The following TRAPPC11 variants were observed in gnomAD, a reference collection of about 807,000 sequenced individuals.
The protein encoded by TRAPPC11 is foie gras homolog.
In TRAPPC11, 104 loss-of-function variants were observed where a neutral mutation model predicts 151.2. The observed-to-expected ratio is 0.69, with a 90% CI of 0.59 to 0.81. The LOEUF is 0.81. Among genes scored for constraint, TRAPPC11 ranks in the 30% least tolerant of loss-of-function variants. The pLI is 0.00. For synonymous variants in TRAPPC11, 456 were observed against 472.3 expected, an observed-to-expected ratio of 0.97 and a Z score of 0.45; for missense variants, 1,230 against 1,349.6, an observed-to-expected ratio of 0.91 and a Z score of 1.39.
intron 29 of TRAPPC11, among the ~76,000 whole-genome samples, chr4:183,708,965 T>C (rs995942015): frequency 4.6e-5 from 7 of 151,622 alleles, no homozygotes; most frequent in African/African-American, 1.7e-4. Flanking sequence ...AAAATGATCA[T>C]CTCTCAGAAA....
rs67991252 is a variant in TRAPPC11, at chr4:183,694,279, A to C, written c.2508+241A>C. ...GAATTAGTGGGCTAATAAAATACCCATTGTTTGTAACTTAGTGCAGTTAAC... is the reference window on the plus strand; with the variant it reads ...GAATTAGTGGGCTAATAAAATACCCCTTGTTTGTAACTTAGTGCAGTTAAC... On this transcript the variant is annotated intron_variant, in intron 22 of 29. Transcript: ENST00000334690. Among the ~76,000 whole-genome samples, 12,802 of 152,288 alleles carry C rather than the reference A, an allele frequency of 0.084. 582 individuals are homozygous for C. The highest frequency in any genetic ancestry group is 0.1 in the Admixed American group (1,560 of 15,298).
At chr4:183,701,491 G>C in intron 25 of TRAPPC11, 2 of 493,036 alleles carry the variant, frequency 4.1e-6, no homozygotes, top group Non-Finnish European at 7.2e-6. Flanking sequence ...GGATTTTACT[G>C]TGATGGAATA....
chr4:183,701,835 T>C (rs1309690203), intron 26 of TRAPPC11, 27 bp downstream of exon 26: 7 of 1,351,360 alleles, frequency 5.2e-6, no homozygotes, highest in Non-Finnish European at 5.3e-6. Context: ...TCCTGTCTTT[T>C]CTTCAATGTC....
intron 18 of TRAPPC11, among the ~76,000 whole-genome samples, chr4:183,690,661 A>G (rs1219856398): frequency 6.6e-6 from 1 of 152,184 alleles, no homozygotes; most frequent in East Asian, 1.9e-4. Flanking sequence ...AGAAATGAAG[A>G]CCTGAAAGAA....
intron 23 of TRAPPC11, among the ~76,000 whole-genome samples, chr4:183,696,186 G>A (rs905003256): frequency 2.6e-5 from 4 of 152,146 alleles, no homozygotes; most frequent in African/African-American, 4.8e-5. Flanking sequence ...AAGCATTTCA[G>A]ATAACCTGTA....
intron 7 of TRAPPC11, 47 bp from the exon 8 acceptor site, chr4:183,677,411 A>G (rs981257539): frequency 9.2e-7 from 1 of 1,089,036 alleles, no homozygotes; most frequent in African/African-American, 1.6e-5. Context: ...GTTCTTAGAA[A>G]TCGTTTATTA....
intron 8 of TRAPPC11, among the ~76,000 whole-genome samples, chr4:183,679,037 A>G (rs1306076989): frequency 6.6e-6 from 1 of 152,206 alleles, no homozygotes; most frequent in South Asian, 2.1e-4. Flanking sequence ...CCTGTTGGAC[A>G]TAGTTTATTT....
At chr4:183,695,335 A>G (rs989320848) in intron 23 of TRAPPC11, among the ~76,000 whole-genome samples, 2 of 152,210 alleles carry the variant, frequency 1.3e-5, no homozygotes, top group African/African-American at 4.8e-5. Context: ...TGACTTACAT[A>G]TAGAGGGTTC....
At chr4:183,690,938 A>G (rs982573992) in intron 18 of TRAPPC11, among the ~76,000 whole-genome samples, 2 of 152,172 alleles carry the variant, frequency 1.3e-5, no homozygotes, top group African/African-American at 4.8e-5. Flanking sequence ...ACTGCACTCC[A>G]GGTAGGAAAA....
intron 18 of TRAPPC11, among the ~76,000 whole-genome samples, chr4:183,690,923 A>G (rs552553229): frequency 6.6e-6 from 1 of 152,310 alleles, no homozygotes; most frequent in East Asian, 1.9e-4. Flanking sequence ...AGCCGAGATC[A>G]TGCCACTGCA....
At chr4:183,706,981 T>C (rs1031572525) in intron 28 of TRAPPC11, 41 bp downstream of exon 28, 2 of 1,602,556 alleles carry the variant, frequency 1.2e-6, no homozygotes, top group Non-Finnish European at 1.7e-6. Flanking sequence ...GACACAAAAG[T>C]GTGCCAGGAA....
chr4:183,673,218 A>G (rs1160712866), intron 5 of TRAPPC11, among the ~76,000 whole-genome samples: 1 of 152,052 alleles, frequency 6.6e-6, no homozygotes, highest in Non-Finnish European at 1.5e-5. Flanking sequence ...TCTGCCTCCC[A>G]AAGTGCTGGG....
intron 28 of TRAPPC11, among the ~76,000 whole-genome samples, chr4:183,707,817 A>G (rs1208073544): frequency 6.6e-6 from 1 of 152,060 alleles, no homozygotes; most frequent in Non-Finnish European, 1.5e-5. Flanking sequence ...GAGTGTCTTG[A>G]TTTTTTCCAC....
intron 5 of TRAPPC11, among the ~76,000 whole-genome samples, chr4:183,669,978 G>A (rs1735072446): frequency 1.3e-5 from 2 of 152,208 alleles, no homozygotes; most frequent in Non-Finnish European, 2.9e-5. Context: ...TGGGTCCATA[G>A]CCTCCAGCAT....
chr4:183,673,453 C>A (rs776535092), intron 5 of TRAPPC11, among the ~76,000 whole-genome samples: 42 of 152,080 alleles, frequency 2.8e-4, no homozygotes, highest in Admixed American at 2.2e-3. Flanking sequence ...GCATTTGGAT[C>A]GTTTAAGTCC....
chr4:183,694,040 T>C lies in TRAPPC11; in HGVS notation c.2508+2T>C, dbSNP rs1333105200. ...GGAGACTTACATCCAGGGGAACAGG[T>C]AAACTTGGTCAACTGGGATTGAAGA... On this transcript the variant is annotated splice_donor_variant, in intron 22 of 29. Coordinates refer to ENST00000334690, the MANE Select transcript of TRAPPC11 (RefSeq NM_021942.6). LOFTEE classifies it high-confidence loss of function. The C allele has an allele frequency of 6.2e-7, 1 of 1,613,038 alleles. No individual in the cohort carries two copies. The highest frequency in any genetic ancestry group is 1.7e-5 in the Admixed American group (1 of 59,794).
intron 5 of TRAPPC11, among the ~76,000 whole-genome samples, chr4:183,669,450 G>A (rs866125136): frequency 2.4e-4 from 36 of 152,162 alleles, no homozygotes; most frequent in African/African-American, 8.2e-4. Context: ...TCACAGTGCT[G>A]TTCCTTGTCA....
At chr4:183,696,444 G>T (rs1292868201) in intron 23 of TRAPPC11, among the ~76,000 whole-genome samples, 1 of 151,978 alleles carries the variant, frequency 6.6e-6, no homozygotes, top group Non-Finnish European at 1.5e-5. Context: ...TGCCCAGCTT[G>T]GAGTGTAGTG....
intron 23 of TRAPPC11, 101 bp downstream of exon 23, chr4:183,694,824 G>C: frequency 8.5e-7 from 1 of 1,175,896 alleles, no homozygotes; most frequent in Non-Finnish European, 1.2e-6. Flanking sequence ...AAGCAGTTTA[G>C]GTGCTTATAG....
Sources: gnomAD v4.1 joint callset for allele counts (sites outside exome capture counted in the v4.1 genomes callset) on GRCh38, gnomAD v4.1.1 for gene constraint, MANE v1.5 for transcripts, NCBI Gene and HGNC (gene_info 2026-07-23, HGNC 2026-07-21) for gene names.